VIPAS39: variants seen among roughly 807,000 people sequenced by gnomAD.
The protein encoded by VIPAS39 is spermatogenesis-defective protein 39 homolog.
A neutral mutation model predicts 84.7 loss-of-function variants in VIPAS39; 63 were observed. The observed-to-expected ratio is 0.74, with a 90% CI of 0.61 to 0.92. VIPAS39 has a LOEUF of 0.92. Among genes scored for constraint, VIPAS39 ranks in the 40% least tolerant of loss-of-function variants. VIPAS39 has a pLI of 0.00. For missense variants in VIPAS39, 499 were observed against 604.5 expected, an observed-to-expected ratio of 0.83 and a Z score of 1.83; for synonymous variants, 192 against 216.5, an observed-to-expected ratio of 0.89 and a Z score of 0.99.
chr14:77,452,522 T>C (rs971934548), intron 3 of VIPAS39, among the ~76,000 whole-genome samples: 3 of 152,046 alleles, frequency 2.0e-5, no homozygotes, highest in African/African-American at 7.2e-5. Flanking sequence ...GGCTCATACC[T>C]ATAATCCCAG....
At chr14:77,446,682 G>A (rs2078795714) in intron 7 of VIPAS39, among the ~76,000 whole-genome samples, 1 of 152,096 alleles carries the variant, frequency 6.6e-6, no homozygotes, top group Non-Finnish European at 1.5e-5. Context: ...CTTCAACAAA[G>A]TTGAAGTATC....
intron 16 of VIPAS39, 114 bp from the exon 17 acceptor site, chr14:77,429,881 G>A (rs2078493170): frequency 1.1e-6 from 1 of 885,580 alleles, no homozygotes; most frequent in Non-Finnish European, 1.9e-6. Flanking sequence ...TGGGGGTGCT[G>A]AGGGATACAG....
chr14:77,453,381 C>T lies in VIPAS39; in HGVS notation c.114G>A (p.Ala38=), dbSNP rs569146151. 15 of 1,614,092 alleles carry T rather than the reference C, an allele frequency of 9.3e-6. No individual in the cohort carries two copies. The highest frequency in any genetic ancestry group is 5.5e-5 in the South Asian group (5 of 91,082). Residue 38 remains alanine, a synonymous_variant, in exon 3 of 20, where the codon GCG becomes GCA. Transcript: ENST00000557658. ...ELSQLKESKR[A]VNSLRDFVDD... ...CCACGAAGTCTCGGAGGCTGTTCAC[C>T]GCCCGCTTGGACTCCTTTAACTGCA...
intron 11 of VIPAS39, among the ~76,000 whole-genome samples, chr14:77,438,388 C>T (rs1051134203): frequency 6.6e-6 from 1 of 152,186 alleles, no homozygotes. Context: ...ACCACCATGC[C>T]TGGCTAATTT....
chr14:77,428,319 TG>T, intron 19 of VIPAS39, 50 bp downstream of exon 19: 1 of 1,536,062 alleles, frequency 6.5e-7, no homozygotes, highest in Non-Finnish European at 9.0e-7. Flanking sequence ...TACTATTTTG[TG>T]AACTGTCTGT....
chr14:77,444,331 A>G lies in VIPAS39; in HGVS notation c.515T>C (p.Leu172Pro). The change falls in exon 8 of 20, where the codon CTA becomes CCA. Residue 172 changes from leucine to proline, a missense_variant. Transcript: ENST00000557658. ...GTCCTGTAAGGAGCGGAATCTCTCT[A>G]GTGAGCAAACCTGGCAGAATAACAC... ...RRLRKGKVCS[L>P]ERFRSLQDKL... 6.2e-7 allele frequency: 1 copy of G among 1,613,542 alleles called. No individual in the cohort carries two copies. The highest frequency in any genetic ancestry group is 1.1e-5 in the South Asian group (1 of 91,070).
At chr14:77,445,256 G>C (rs2078770223) in intron 7 of VIPAS39, among the ~76,000 whole-genome samples, 1 of 152,348 alleles carries the variant, frequency 6.6e-6, no homozygotes, top group East Asian at 1.9e-4. Context: ...ACCATGCCCA[G>C]CCAGTATCTC....
Position 77,453,346 on chromosome 14 carries a change from T to C in VIPAS39, c.149A>G (p.Asp50Gly), listed in dbSNP as rs538855499. Residue 50 changes from aspartate (D) to glycine (G), a missense_variant, in exon 3 of 20, where the codon GAC becomes GGC. Physicochemically the swap from Asp to Gly is moderately conservative, Grantham distance 94. Transcript: ENST00000557658. ...NSLRDFVDDD[D>G]DDDLERVSWS... is the part of the protein sequence containing the mutation. ...GCTGACTCGCTCCAGGTCATCATCGTCATCATCATCCACGAAGTCTCGGAG... is the reference window on the plus strand; with the variant it reads ...GCTGACTCGCTCCAGGTCATCATCGCCATCATCATCCACGAAGTCTCGGAG... 4 of 1,614,056 alleles carry C rather than the reference T, an allele frequency of 2.5e-6. No individual in the cohort carries two copies. The South Asian group carries it at 3.3e-5, about 13-fold the overall frequency.
At chr14:77,452,756 G>A (rs1474828799) in intron 3 of VIPAS39, among the ~76,000 whole-genome samples, 1 of 138,536 alleles carries the variant, frequency 7.2e-6, no homozygotes, top group African/African-American at 2.7e-5. Flanking sequence ...CTCCAGACTA[G>A]GCAACAGAGT....
At chr14:77,456,961 CTT>C in intron 1 of VIPAS39, 2 of 609,640 alleles carry the variant, frequency 3.3e-6, no homozygotes, top group Non-Finnish European at 4.6e-6. Flanking sequence ...TTTATCGTCT[CTT>C]GTTTACTGAC....
At chr14:77,430,740 G>T (rs553910976) in intron 16 of VIPAS39, among the ~76,000 whole-genome samples, 2 of 108,022 alleles carry the variant, frequency 1.9e-5, no homozygotes, top group East Asian at 3.9e-4. Flanking sequence ...AAAAAAAAAG[G>T]GGGGGTAGGG....
At chr14:77,452,994 C>T (rs2078906142) in intron 3 of VIPAS39, among the ~76,000 whole-genome samples, 1 of 152,172 alleles carries the variant, frequency 6.6e-6, no homozygotes, top group Non-Finnish European at 1.5e-5. Flanking sequence ...CCGCAGAAGA[C>T]CTAATGAACA....
intron 1 of VIPAS39, chr14:77,457,011 AG>A: frequency 1.6e-6 from 2 of 1,227,830 alleles, no homozygotes; most frequent in Non-Finnish European, 2.1e-6. Flanking sequence ...AGGGGAGAAC[AG>A]GAACTTTACA....
intron 10 of VIPAS39, 76 bp from the exon 11 acceptor site, chr14:77,441,169 C>G (rs1356566458): frequency 7.8e-6 from 12 of 1,539,606 alleles, no homozygotes; most frequent in Non-Finnish European, 1.1e-5. Context: ...AATCGAGTGC[C>G]TCCTCTAGGA....
At chr14:77,445,355 G>A (rs1014820047) in intron 7 of VIPAS39, among the ~76,000 whole-genome samples, 4 of 152,160 alleles carry the variant, frequency 2.6e-5, no homozygotes, top group Non-Finnish European at 5.9e-5. Flanking sequence ...CTTTTGTGAT[G>A]TGTCTGGTCA....
intron 12 of VIPAS39, among the ~76,000 whole-genome samples, 165 bp downstream of exon 12, chr14:77,437,643 G>T (rs1010908829): frequency 2.0e-5 from 3 of 152,012 alleles, no homozygotes; most frequent in African/African-American, 7.3e-5. Context: ...AACTCTGCTG[G>T]GGACTAGTGT....
At chr14:77,432,240 A>AT (rs2078535053) in intron 16 of VIPAS39, among the ~76,000 whole-genome samples, 2 of 152,210 alleles carry the variant, frequency 1.3e-5, no homozygotes, top group South Asian at 4.2e-4. Context: ...ATATAATAAC[A>AT]TTTATCTTAA....
At chr14:77,443,622 T>C (rs746769240) in intron 8 of VIPAS39, among the ~76,000 whole-genome samples, 1 of 152,002 alleles carries the variant, frequency 6.6e-6, no homozygotes, top group Non-Finnish European at 1.5e-5. Flanking sequence ...AGGCCAAGCG[T>C]GGTAGCTCAC....
At position 77,435,253 on chromosome 14, in the gene VIPAS39, CT is replaced by C. The variant is rs1238662512; in HGVS notation, c.1047+5del. 6.2e-7 allele frequency: 1 copy of C among 1,614,018 alleles called. No individual in the cohort carries two copies. Among genetic ancestry groups the C allele is most frequent in the Non-Finnish European group, 8.5e-7 (1 of 1,180,000 alleles). ...GTTTGTGGAATCTTCCATATTTTGCCTGTACCTCAGCCTCTGTGTAGTGATA... is the reference window on the plus strand; with the variant it reads ...GTTTGTGGAATCTTCCATATTTTGCCGTACCTCAGCCTCTGTGTAGTGATA... On this transcript the variant is annotated splice_donor_5th_base_variant and intron_variant, in intron 14 of 19. Transcript: ENST00000557658.
Sources: allele counts gnomAD v4.1 joint callset (sites outside exome capture counted in the v4.1 genomes callset), GRCh38; gene constraint gnomAD v4.1.1; transcripts MANE v1.5; gene names NCBI Gene and HGNC (gene_info 2026-07-23, HGNC 2026-07-21).